Variants in SPRY3 observed in about 807,000 individuals in gnomAD.
SPRY3 encodes sprouty RTK signaling antagonist 3, also known as protein sprouty homolog 3.
In SPRY3, 15 loss-of-function variants were observed where a neutral mutation model predicts 20.2. That is an observed-to-expected ratio of 0.74 (90% CI 0.50 to 1.14). The LOEUF is 1.14. SPRY3 is among the 50% of genes most tolerant of loss of function. The pLI, the probability that SPRY3 is intolerant of heterozygous loss-of-function variation, is 0.00. For missense variants in SPRY3, 364 were observed against 363.9 expected, an observed-to-expected ratio of 1.00 and a Z score of 0.00; for synonymous variants, 143 against 136.5, an observed-to-expected ratio of 1.05 and a Z score of -0.33.
At chrX:155,757,858 G>A (rs2091289253) in intron 2 of SPRY3, among the ~76,000 whole-genome samples, 1 of 152,164 alleles carries the variant, frequency 6.6e-6, no homozygotes, top group Admixed American at 6.5e-5. Flanking sequence ...CACATGAGAT[G>A]GGTGCCCATC....
chrX:155,766,129 G>C (rs952488460), intron 2 of SPRY3, among the ~76,000 whole-genome samples: 1 of 152,070 alleles, frequency 6.6e-6, no homozygotes, highest in East Asian at 1.9e-4. Context: ...TTACACACAC[G>C]CACATACACA....
At chrX:155,774,184 C>T in exon 4 of SPRY3, 3 of 1,614,022 alleles carry the variant, frequency 1.9e-6, no homozygotes, top group Non-Finnish European at 2.5e-6. Flanking sequence ...CAGCATTACA[C>T]CCTCACCTTC....
intron 2 of SPRY3, among the ~76,000 whole-genome samples, chrX:155,730,112 T>G (rs1477649515): frequency 6.6e-6 from 1 of 151,984 alleles, no homozygotes; most frequent in Admixed American, 6.6e-5. Flanking sequence ...TAAAAAACAT[T>G]TAAAGAACTA....
chrX:155,627,491 A>T (rs918061497), intron 1 of SPRY3, among the ~76,000 whole-genome samples: 2 of 111,503 alleles, frequency 1.8e-5, no homozygotes, highest in Non-Finnish European at 3.8e-5. Context: ...AAATCCATGC[A>T]CTCATTGATG....
rs1279055870 is a variant in SPRY3 at position 155,774,895 on chromosome X, G to C, written c.*157G>C. 8 of 784,836 alleles carry C rather than the reference G, an allele frequency of 1.0e-5. No individual in the cohort carries two copies. The African/African-American group carries it at 1.2e-4, about 12-fold the overall frequency. 48.6% of individuals were successfully genotyped at this position (784,836 alleles called of 1,614,324 possible). A position where few individuals can be genotyped will look rare whatever the true frequency, so the allele number is the denominator to read the frequency against. On this transcript the variant is annotated 3_prime_UTR_variant, in exon 4 of 4. Coordinates refer to ENST00000675360, the Ensembl canonical transcript of SPRY3. ...CAGGGGAATGACCAAGTACATCCTG[G>C]TGCAGGATGCCTTGTTCTTTCTCAC...
At chrX:155,668,810 T>C (rs1266794805) in intron 2 of SPRY3, among the ~76,000 whole-genome samples, 2 of 110,558 alleles carry the variant, frequency 1.8e-5, no homozygotes, top group Admixed American at 1.9e-4. Flanking sequence ...CCAGTCACTA[T>C]GTTCCAAGCC....
chrX:155,662,546 G>T (rs1180808629), intron 2 of SPRY3, among the ~76,000 whole-genome samples: 2 of 109,970 alleles, frequency 1.8e-5, no homozygotes, highest in Admixed American at 2.0e-4. Context: ...ATAAAAGCCA[G>T]CTGAGCAATG....
At chrX:155,729,340 A>T (rs1201575617) in intron 2 of SPRY3, among the ~76,000 whole-genome samples, 1 of 152,180 alleles carries the variant, frequency 6.6e-6, no homozygotes, top group Non-Finnish European at 1.5e-5. Context: ...AATATTCAAA[A>T]AATTGAAATA....
intron 2 of SPRY3, among the ~76,000 whole-genome samples, chrX:155,764,605 T>C (rs907385351): frequency 1.5e-4 from 23 of 152,208 alleles, no homozygotes; most frequent in African/African-American, 4.1e-4. Flanking sequence ...TGAAGACAAA[T>C]ATAATAAATA....
At chrX:155,772,665 C>T (rs922042053) in intron 3 of SPRY3, among the ~76,000 whole-genome samples, 1 of 151,918 alleles carries the variant, frequency 6.6e-6, no homozygotes, top group Non-Finnish European at 1.5e-5. Context: ...CAGTATTTTC[C>T]CCATGGTCAT....
chrX:155,650,037 G>A (rs781995522), intron 1 of SPRY3, among the ~76,000 whole-genome samples: 4 of 110,953 alleles, frequency 3.6e-5, no homozygotes, highest in Non-Finnish European at 7.6e-5. Flanking sequence ...AAATACCTAG[G>A]AATACAACTT....
chrX:155,733,399 C>CAT (rs1475727162), intron 2 of SPRY3, among the ~76,000 whole-genome samples: 1 of 149,154 alleles, frequency 6.7e-6, no homozygotes, highest in Non-Finnish European at 1.5e-5. Context: ...TATACATATA[C>CAT]ATATATATGC....
intron 2 of SPRY3, among the ~76,000 whole-genome samples, chrX:155,740,960 CTT>C (rs1199739398): frequency 6.6e-6 from 1 of 152,122 alleles, no homozygotes; most frequent in Non-Finnish European, 1.5e-5. Flanking sequence ...TACTCTTTCT[CTT>C]TATTTCTCAG....
intron 2 of SPRY3, among the ~76,000 whole-genome samples, chrX:155,688,798 C>G (rs754300567): frequency 1.1e-5 from 1 of 87,790 alleles, no homozygotes; most frequent in East Asian, 3.4e-4. Context: ...CATCACCTAG[C>G]TCTTTTCCCT....
intron 2 of SPRY3, among the ~76,000 whole-genome samples, chrX:155,708,446 T>A (rs2124539363): frequency 6.6e-6 from 1 of 151,584 alleles, no homozygotes; most frequent in South Asian, 2.1e-4. Context: ...TTATTTTCTT[T>A]GCCTTTGTTA....
intron 2 of SPRY3, among the ~76,000 whole-genome samples, chrX:155,677,696 C>T (rs2068062113): frequency 9.0e-6 from 1 of 111,543 alleles, no homozygotes; most frequent in Non-Finnish European, 1.9e-5. Flanking sequence ...CAAACTCAGG[C>T]AAAGACAGAG....
chrX:155,780,769 G>A (rs2091458458), downstream of SPRY3: 1 of 166,808 alleles, frequency 6.0e-6, no homozygotes, highest in Non-Finnish European at 1.5e-5. Context: ...CCAAAGAGGA[G>A]AAGGCCCCAG....
chrX:155,692,756 AT>A (rs2068107216), intron 2 of SPRY3, among the ~76,000 whole-genome samples: 1 of 111,324 alleles, frequency 9.0e-6, no homozygotes, highest in Non-Finnish European at 1.9e-5. Context: ...GCTTCTGTCC[AT>A]TTTTGTAGGT....
chrX:155,629,002 GT>G (rs1194326370), intron 1 of SPRY3, among the ~76,000 whole-genome samples: 2 of 109,455 alleles, frequency 1.8e-5, no homozygotes, highest in Non-Finnish European at 3.8e-5. Flanking sequence ...TTTCTTTTTT[GT>G]TTTTTTGTTA....
Sources: allele counts gnomAD v4.1 joint callset (sites outside exome capture counted in the v4.1 genomes callset), GRCh38; gene constraint gnomAD v4.1.1; transcripts MANE v1.5; gene names NCBI Gene and HGNC (gene_info 2026-07-23, HGNC 2026-07-21).